The following MYH11 variants were observed in gnomAD, a reference collection of about 807,000 sequenced individuals.
MYH11 encodes the protein myosin-11.
Under a neutral mutation model 246.6 loss-of-function variants are expected in MYH11, and 80 were observed. The observed-to-expected ratio is 0.32, with a 90% CI of 0.27 to 0.39. The LOEUF (loss-of-function observed/expected upper bound fraction) is 0.39, where lower values mean the gene tolerates loss of function less well. Ranked by LOEUF, MYH11 falls within the 10% of genes least tolerant of loss-of-function variation. The probability of loss-of-function intolerance (pLI) is 1.00; values close to 1 mark genes in which losing one functional copy is unlikely to be tolerated. For missense variants in MYH11, 2,158 were observed against 2,546.8 expected, an observed-to-expected ratio of 0.85 and a Z score of 3.29; for synonymous variants, 1,071 against 1,015.5, an observed-to-expected ratio of 1.05 and a Z score of -1.04.
chr16:15,766,345 G>GT (rs1491350161), intron 9 of MYH11, among the ~76,000 whole-genome samples: 1 of 31,922 alleles, frequency 3.1e-5, no homozygotes. Context: ...ATGTTTTTTG[G>GT]TGTGTGTGTG....
intron 15 of MYH11, among the ~76,000 whole-genome samples, chr16:15,752,801 C>T (rs182150844): frequency 7.2e-5 from 11 of 152,256 alleles, no homozygotes; most frequent in Admixed American, 1.3e-4. Context: ...ATCACTGGAA[C>T]CCAGAAGGTG....
At chr16:15,822,876 A>G (rs1413141732) in intron 3 of MYH11, among the ~76,000 whole-genome samples, 1 of 152,256 alleles carries the variant, frequency 6.6e-6, no homozygotes, top group Non-Finnish European at 1.5e-5. Context: ...CTGAAGAGGA[A>G]AAGATATTTA....
rs886051736 is a variant in MYH11 at position 15,714,921 on chromosome 16, T to C, written c.5774A>G (p.Lys1925Arg). The C allele has an allele frequency of 3.7e-6, 6 of 1,613,868 alleles. No homozygotes were observed. The highest frequency in any genetic ancestry group is 2.7e-5 in the African/African-American group (2 of 74,928). The change falls in exon 40 of 41, where the codon AAG becomes AGG. Residue 1925 changes from lysine to arginine, a missense_variant. Around this residue, in one of 11 missense-constraint regions of MYH11, gnomAD observed 1,013 missense variants for 993.5 expected, o/e 1.02. Transcript: ENST00000300036. ...EAMGREVNALKSKLRRGNETS... is the reference protein window; with the variant it reads ...EAMGREVNALRSKLRRGNETS... Reference sequence around the variant, plus strand: ...ACGGGCTCCTCACCTGAGCTTGCTCTTGAGTGCGTTCACCTCGCGGCCCAT... The same window carrying C: ...ACGGGCTCCTCACCTGAGCTTGCTCCTGAGTGCGTTCACCTCGCGGCCCAT...
chr16:15,732,377 G>A, intron 27 of MYH11, 187 bp downstream of exon 27: 1 of 853,068 alleles, frequency 1.2e-6, no homozygotes, highest in Non-Finnish European at 1.9e-6. Flanking sequence ...TGGGATTACA[G>A]GCGTGAGCCA....
At chr16:15,730,867 G>T (rs2040940506) in intron 27 of MYH11, among the ~76,000 whole-genome samples, 1 of 152,182 alleles carries the variant, frequency 6.6e-6, no homozygotes, top group South Asian at 2.1e-4. Flanking sequence ...CTATTTACCA[G>T]CTCCCACTCC....
intron 6 of MYH11, among the ~76,000 whole-genome samples, chr16:15,782,039 A>C (rs1427980255): frequency 6.6e-6 from 1 of 152,064 alleles, no homozygotes; most frequent in East Asian, 1.9e-4. Context: ...TCAATACCTA[A>C]TTTTTTAAAT....
chr16:15,726,983 C>T lies in MYH11; in HGVS notation c.3723G>A (p.Arg1241=). The T allele has an allele frequency of 6.2e-7, 1 of 1,611,904 alleles. No individual in the cohort carries two copies. Among genetic ancestry groups the T allele is most frequent in the South Asian group, 1.1e-5 (1 of 90,846 alleles). Residue 1241 remains arginine, a synonymous_variant, in exon 28 of 41, where the codon CGG becomes CGA. Transcript: ENST00000300036. ...KENADLAGEL[R]VLGQAKQEVE... The stretch of plus-strand genomic sequence containing the variant: ...CCTCCTGCTTGGCCTGGCCCAGGAC[C>T]CGCAGCTCCCCGGCCAGGTCTGCGT...
At chr16:15,727,944 C>G (rs935937516) in intron 27 of MYH11, among the ~76,000 whole-genome samples, 5 of 152,192 alleles carry the variant, frequency 3.3e-5, no homozygotes, top group African/African-American at 1.2e-4. Context: ...GCACTCCAGC[C>G]TGGGCAACAA....
At chr16:15,767,899 C>A (rs184064154) in intron 9 of MYH11, among the ~76,000 whole-genome samples, 2 of 151,282 alleles carry the variant, frequency 1.3e-5, no homozygotes, top group East Asian at 3.9e-4. Flanking sequence ...CCAGGAGGAA[C>A]AACCCCTGCC....
chr16:15,798,587 G>A (rs2042799476), intron 4 of MYH11, 73 bp downstream of exon 4: 1 of 1,397,930 alleles, frequency 7.2e-7, no homozygotes, highest in Non-Finnish European at 9.7e-7. Context: ...TTCTTTCATA[G>A]GTTGGATCTC....
rs2043946927 is a variant in MYH11, at chr16:15,838,008, G to T, written c.245C>A (p.Pro82His). The change falls in exon 2 of 41, where the codon CCC (proline) becomes CAC (histidine). Residue 82 changes from proline to histidine, a missense_variant. This residue lies in a region of MYH11 where 36 missense variants were observed against 73.9 expected (regional missense o/e 0.49). Transcript: ENST00000300036. The part of the protein sequence containing the change: ...GKDDIQKMNP[P>H]KFSKVEDMAE... ...CATGTCCTCCACCTTGGAGAACTTG[G>T]GTGGGTTCATCTTCTGGATGTCATC... 2 of 1,614,054 alleles carry T rather than the reference G, an allele frequency of 1.2e-6. No homozygotes were observed. Among genetic ancestry groups the T allele is most frequent in the East Asian group, 4.5e-5 (2 of 44,874 alleles).
intron 2 of MYH11, among the ~76,000 whole-genome samples, chr16:15,836,751 T>C (rs1359115593): frequency 7.5e-6 from 1 of 133,012 alleles, no homozygotes; most frequent in Admixed American, 8.1e-5. Flanking sequence ...TGAGATGGAG[T>C]TTCGCTCTTA....
intron 22 of MYH11, 50 bp from the exon 23 acceptor site, chr16:15,740,238 T>C: frequency 6.2e-7 from 1 of 1,612,930 alleles, no homozygotes; most frequent in Non-Finnish European, 8.5e-7. Flanking sequence ...ACAGATTTAC[T>C]CTCGTGGTGA....
intron 2 of MYH11, among the ~76,000 whole-genome samples, chr16:15,833,680 G>A (rs187190080): frequency 6.6e-6 from 1 of 152,292 alleles, no homozygotes; most frequent in Admixed American, 6.5e-5. Flanking sequence ...AGGGCACATC[G>A]TTTGAGGCGA....
intron 40 of MYH11, among the ~76,000 whole-genome samples, chr16:15,707,576 A>C (rs1024586415): frequency 9.9e-5 from 15 of 152,190 alleles, no homozygotes; most frequent in Non-Finnish European, 1.8e-4. Flanking sequence ...CCTGCGCTTT[A>C]AGTATTTTGG....
chr16:15,724,506 C>G (rs2040648928), intron 30 of MYH11, 97 bp from the exon 31 acceptor site: 1 of 1,607,482 alleles, frequency 6.2e-7, no homozygotes, highest in Admixed American at 1.7e-5. Flanking sequence ...CATGTCTCCT[C>G]GTTGGAGAAA....
intron 28 of MYH11, 162 bp from the exon 29 acceptor site, chr16:15,725,154 C>T: frequency 1.5e-6 from 1 of 648,974 alleles, no homozygotes; most frequent in Non-Finnish European, 2.7e-6. Context: ...AAAAAACACA[C>T]ACACACACAA....
chr16:15,840,597 T>C (rs1350324144), intron 1 of MYH11, among the ~76,000 whole-genome samples: 1 of 152,014 alleles, frequency 6.6e-6, no homozygotes, highest in Non-Finnish European at 1.5e-5. Context: ...CCTGGCACGG[T>C]GGTGCATGCC....
intron 40 of MYH11, among the ~76,000 whole-genome samples, chr16:15,708,650 G>A (rs1204658035): frequency 1.3e-5 from 2 of 152,190 alleles, no homozygotes; most frequent in African/African-American, 2.4e-5. Context: ...TTCAATGAAA[G>A]CTTTGCACAA....
Sources: allele counts gnomAD v4.1 joint callset (sites outside exome capture counted in the v4.1 genomes callset), GRCh38; gene constraint gnomAD v4.1.1; regional missense constraint gnomAD v4.1.1; transcripts MANE v1.5; gene names NCBI Gene and HGNC (gene_info 2026-07-23, HGNC 2026-07-21).